Variants in RBM33 observed in about 807,000 individuals in gnomAD.
RBM33 encodes RNA-binding protein 33.
Under a neutral mutation model 132.6 loss-of-function variants are expected in RBM33, and 28 were observed. The observed-to-expected ratio is 0.21, with a 90% confidence interval of 0.16 to 0.29. The LOEUF is 0.29. Ranked by LOEUF, RBM33 falls within the 10% of genes least tolerant of loss-of-function variation. The pLI, the probability that RBM33 is intolerant of heterozygous loss-of-function variation, is 1.00. For missense variants in RBM33, 1,291 were observed against 1,518.5 expected (o/e 0.85, Z 2.49); for synonymous variants, 634 against 593.0 (o/e 1.07, Z -1.01).
Position 155,678,646 on chromosome 7 carries a change from T to C in RBM33, c.210T>C (p.Asp70=), listed in dbSNP as rs761304598. Residue 70 remains aspartate, a synonymous_variant, in exon 4 of 18, where the codon GAT becomes GAC. Coordinates refer to ENST00000401878, the MANE Select transcript of RBM33 (RefSeq NM_053043.3). ...TGTCAGATGAAGAGCTAAATGATGATCTTTTGCAGAGTGATAATGAAGATG... is the reference window on the plus strand; with the variant it reads ...TGTCAGATGAAGAGCTAAATGATGACCTTTTGCAGAGTGATAATGAAGATG... The part of the protein sequence containing the change: ...SDLSDEELND[D]LLQSDNEDEE... 9.5e-5 allele frequency: 150 copies of C among 1,582,776 alleles called. No homozygotes were observed. Among genetic ancestry groups the C allele is most frequent in the Non-Finnish European group, 1.3e-4 (146 of 1,160,402 alleles).
intron 14 of RBM33, among the ~76,000 whole-genome samples, chr7:155,753,875 G>A (rs1021358291): frequency 5.3e-5 from 8 of 152,334 alleles, no homozygotes; most frequent in Admixed American, 4.6e-4. Context: ...CAGGCAAATA[G>A]CAAAAGAGTG....
chr7:155,747,864 G>GT (rs974112166), intron 14 of RBM33, among the ~76,000 whole-genome samples: 3 of 152,150 alleles, frequency 2.0e-5, no homozygotes, highest in East Asian at 1.9e-4. Flanking sequence ...ATTGTTTTTT[G>GT]TTTTTTTGTG....
rs59289310 is a variant in RBM33, at chr7:155,716,316, G to GTTTTTTTTTTTTTT, written c.1202-2066_1202-2053dup. ...TGTCAGCTGTTTTTCCTTTTCTGCT[G>GTTTTTTTTTTTTTT]TTTTTTTTTTTTTTTTAAATAGGGA... is the stretch of plus-strand genomic sequence containing the variant. On this transcript the variant is annotated intron_variant, in intron 8 of 17. Coordinates refer to ENST00000401878, the MANE Select transcript of RBM33 (RefSeq NM_053043.3). 6.8e-3 allele frequency among the ~76,000 whole-genome samples: 695 copies of GTTTTTTTTTTTTTT among 102,256 alleles called. 53 individuals carry two copies. Among genetic ancestry groups the GTTTTTTTTTTTTTT allele is most frequent in the African/African-American group, 0.025 (633 of 25,318 alleles). The allele number at this position is 102,256 out of a possible 152,430, so 67.1% of individuals were successfully genotyped here.
At position 155,745,711 on chromosome 7, in the gene RBM33, A is replaced by G. The variant is rs1040509915; in HGVS notation, c.2979+109A>G. On this transcript the variant is annotated intron_variant, in intron 14 of 17. Coordinates refer to ENST00000401878, the MANE Select transcript of RBM33 (RefSeq NM_053043.3). The surrounding 1 kb of genome is among the most constrained non-coding windows in gnomAD (Gnocchi z 4.1). ...AAGAATTAAAAGTTACCTCTGTTAT[A>G]GTCTTGTAACCAATCTCTACCTACT... The G allele has an allele frequency of 4.5e-6, 5 of 1,115,924 alleles. No homozygotes were observed. Among genetic ancestry groups the G allele is most frequent in the Middle Eastern group, 2.8e-4 (1 of 3,566 alleles). The allele number at this position is 1,115,924 out of a possible 1,614,324, so 69.1% of individuals were successfully genotyped here. A position where few individuals can be genotyped will look rare whatever the true frequency, so the allele number is the denominator to read the frequency against.
At chr7:155,732,966 G>C (rs1223967027) in intron 9 of RBM33, among the ~76,000 whole-genome samples, 1 of 152,174 alleles carries the variant, frequency 6.6e-6, no homozygotes, top group Non-Finnish European at 1.5e-5. Flanking sequence ...CTGGCCACAG[G>C]GGTAGAGGAG....
At position 155,775,101 on chromosome 7, in the gene RBM33, G is replaced by C. The variant is rs1237806611; in HGVS notation, c.*60G>C. ...CACACTGTGGAATTTCTTCAAGGGA[G>C]CTGCCGGCCGGCGCAGAACCCCCAG... On this transcript the variant is annotated 3_prime_UTR_variant, in exon 18 of 18. Transcript: ENST00000401878. 1 of 1,483,034 alleles carries C rather than the reference G, an allele frequency of 6.7e-7. No homozygotes were observed. Among genetic ancestry groups the C allele is most frequent in the Non-Finnish European group, 9.4e-7 (1 of 1,060,590 alleles). The allele number at this position is 1,483,034 out of a possible 1,614,324, so 91.9% of individuals were successfully genotyped here.
intron 9 of RBM33, among the ~76,000 whole-genome samples, chr7:155,725,712 C>T (rs1341415327): frequency 6.6e-6 from 1 of 152,182 alleles, no homozygotes; most frequent in East Asian, 1.9e-4. Flanking sequence ...TTCATCAAAA[C>T]ACCATTTTGT....
intron 16 of RBM33, among the ~76,000 whole-genome samples, chr7:155,769,428 G>C (rs751547829): frequency 9.9e-5 from 15 of 152,210 alleles, no homozygotes; most frequent in Admixed American, 3.3e-4. Context: ...AGGCCAGGGG[G>C]GCTGCCGTCC....
intron 14 of RBM33, among the ~76,000 whole-genome samples, chr7:155,749,863 G>A (rs1801640344): frequency 6.6e-6 from 1 of 152,222 alleles, no homozygotes; most frequent in Non-Finnish European, 1.5e-5. Flanking sequence ...TGCTGTGTGA[G>A]TCTATCCTTG....
intron 9 of RBM33, among the ~76,000 whole-genome samples, chr7:155,728,897 CAGA>C (rs1410126942): frequency 6.6e-6 from 1 of 152,124 alleles, no homozygotes; most frequent in Non-Finnish European, 1.5e-5. Context: ...TTTAAATGGT[CAGA>C]AGATTTCTGT....
intron 2 of RBM33, among the ~76,000 whole-genome samples, chr7:155,669,000 C>T (rs779351856): frequency 2.6e-5 from 4 of 152,086 alleles, no homozygotes; most frequent in Non-Finnish European, 5.9e-5. Flanking sequence ...TATTGTTTAC[C>T]GTATTATGAA....
At chr7:155,716,854 G>A (rs1425535504) in intron 8 of RBM33, among the ~76,000 whole-genome samples, 1 of 152,144 alleles carries the variant, frequency 6.6e-6, no homozygotes, top group Admixed American at 6.5e-5. Context: ...AGTCTGTCAA[G>A]GAAGGGATGA....
intron 1 of RBM33, among the ~76,000 whole-genome samples, chr7:155,658,047 G>T (rs1440365076): frequency 6.6e-6 from 1 of 152,114 alleles, no homozygotes; most frequent in Non-Finnish European, 1.5e-5. Flanking sequence ...CATATTTGTT[G>T]AAAGTGGGGT....
chr7:155,694,507 G>C (rs970666637), intron 5 of RBM33, among the ~76,000 whole-genome samples: 7 of 152,240 alleles, frequency 4.6e-5, no homozygotes, highest in African/African-American at 1.7e-4. Flanking sequence ...TGTACAGTAA[G>C]TTTTGATACA....
intron 5 of RBM33, among the ~76,000 whole-genome samples, chr7:155,689,007 C>T (rs1480760126): frequency 6.6e-6 from 1 of 152,146 alleles, no homozygotes; most frequent in African/African-American, 2.4e-5. Context: ...AGGGAGGATT[C>T]CCTCTTTTTC....
chr7:155,769,577 C>A (rs2051939), intron 16 of RBM33, among the ~76,000 whole-genome samples: 2 of 151,898 alleles, frequency 1.3e-5, no homozygotes, highest in Non-Finnish European at 2.9e-5. Flanking sequence ...GATCTCAGCC[C>A]ACCATGGAGG....
rs200610786 is a variant in RBM33 at position 155,644,842 on chromosome 7, G to GA, written c.-35_-34insA. 2.6e-3 allele frequency: 3,772 copies of GA among 1,470,690 alleles called. 85 individuals carry two copies. The African/African-American group carries it at 0.048, about 19-fold the overall frequency. The allele number at this position is 1,470,690 out of a possible 1,614,324, so 91.1% of individuals were successfully genotyped here. ...GCACGTCGGCCCACCAGCTGGCTTG[G>GA]TGGGGGAGGCTGAAGGCCGGGCCCC... On this transcript the variant is annotated 5_prime_UTR_variant, in exon 1 of 18. It adds an upstream start codon to the 5' untranslated region. Coordinates refer to ENST00000401878, the MANE Select transcript of RBM33 (RefSeq NM_053043.3).
chr7:155,690,450 G>A (rs958894066), intron 5 of RBM33, among the ~76,000 whole-genome samples: 1 of 152,092 alleles, frequency 6.6e-6, no homozygotes, highest in Non-Finnish European at 1.5e-5. Flanking sequence ...TTTAATTGGA[G>A]CATTTAGCCC....
intron 14 of RBM33, among the ~76,000 whole-genome samples, chr7:155,760,502 C>T (rs890355556): frequency 1.3e-5 from 2 of 152,070 alleles, no homozygotes; most frequent in Admixed American, 6.5e-5. Flanking sequence ...GTGAAGTGTT[C>T]GCGCTTGTAA....
Sources: gnomAD v4.1 joint callset for allele counts (sites outside exome capture counted in the v4.1 genomes callset) on GRCh38, gnomAD v4.1.1 for gene constraint, Gnocchi (gnomAD v3.1) non-coding constraint, MANE v1.5 for transcripts, NCBI Gene and HGNC (gene_info 2026-07-23, HGNC 2026-07-21) for gene names.